Variants in SIX4 observed in about 807,000 individuals in gnomAD.
The protein encoded by SIX4 is homeobox protein SIX4.
SIX4 carries 23 observed loss-of-function variants against 51.5 expected under a neutral mutation model. The observed-to-expected ratio is 0.45, with a 90% confidence interval of 0.32 to 0.63. The LOEUF (loss-of-function observed/expected upper bound fraction) is 0.63, where lower values mean the gene tolerates loss of function less well. Among genes scored for constraint, SIX4 ranks in the 30% least tolerant of loss-of-function variants. SIX4 has a pLI of 0.04. For missense variants in SIX4, 867 were observed against 984.0 expected (o/e 0.88, Z 1.59); for synonymous variants, 413 against 417.3 (o/e 0.99, Z 0.13).
Position 60,712,708 on chromosome 14 carries a change from CA to C in SIX4, c.*698del, listed in dbSNP as rs1297871441. On this transcript the variant is annotated 3_prime_UTR_variant, in exon 3 of 3. Coordinates refer to ENST00000216513, the MANE Select transcript of SIX4 (RefSeq NM_017420.5). ...TCAGTTCATAGCGCCTGAAGAGAAA[CA>C]TATACATTAAAAATAAAATTCACTG... 1 of 152,480 alleles carries C rather than the reference CA, an allele frequency of 6.6e-6. No individual in the cohort carries two copies. The highest frequency in any genetic ancestry group is 1.5e-5 in the Non-Finnish European group (1 of 68,006). 9.4% of individuals were successfully genotyped at this position (152,480 alleles called of 1,614,324 possible). A position where few individuals can be genotyped will look rare whatever the true frequency, so the allele number is the denominator to read the frequency against.
chr14:60,713,614 C>G lies in SIX4; in HGVS notation c.2139G>C (p.Leu713Phe). The G allele has an allele frequency of 6.2e-7, 1 of 1,614,202 alleles. No homozygotes were observed. Among genetic ancestry groups the G allele is most frequent in the Non-Finnish European group, 8.5e-7 (1 of 1,180,040 alleles). Residue 713 changes from leucine (L) to phenylalanine (F), a missense_variant, in exon 3 of 3, where the codon TTG (leucine) becomes TTC (phenylalanine). Leu to Phe is a conservative substitution (Grantham distance 22, BLOSUM62 0). Transcript: ENST00000216513. ...VHQDFVQEHR[L>F]VLQSVANMKE... ...TCATGTTAGCTACCGATTGCAGAAC[C>G]AAACGATGTTCTTGGACAAAATCCT... is the stretch of plus-strand genomic sequence containing the variant.
In SIX4 at chr14:60,710,626, T is replaced by C. The variant is rs1895803079; in HGVS notation, c.*2781A>G. 6.6e-6 allele frequency: 1 copy of C among 152,538 alleles called. No individual in the cohort carries two copies. Among genetic ancestry groups the C allele is most frequent in the African/African-American group, 2.4e-5 (1 of 41,416 alleles). The allele number at this position is 152,538 out of a possible 1,614,324, so 9.4% of individuals were successfully genotyped here. A position where few individuals can be genotyped will look rare whatever the true frequency, so the allele number is the denominator to read the frequency against. On this transcript the variant is annotated 3_prime_UTR_variant, in exon 3 of 3. Transcript: ENST00000216513. ...AGCATTGGTTTATGTAAGAGGGAAA[T>C]TCTGCCACATGACTCCAAGGGTTCT...
chr14:60,717,635 T>C lies in SIX4; in HGVS notation c.1549+2125A>G, dbSNP rs577392585. Among the ~76,000 whole-genome samples, 28 of 151,518 alleles carry C rather than the reference T, an allele frequency of 1.8e-4. No homozygotes were observed. The highest frequency in any genetic ancestry group is 6.5e-4 in the African/African-American group (27 of 41,466). On this transcript the variant is annotated intron_variant, in intron 2 of 2. Coordinates refer to ENST00000216513, the MANE Select transcript of SIX4 (RefSeq NM_017420.5). The surrounding 1 kb of genome is among the most constrained non-coding windows in gnomAD (Gnocchi z 4.6). ...CTAAAATTTGATTTTTGAGCATAAC[T>C]ACAACTGAAGTAAAAATTGAACAAC...
At chr14:60,714,275 T>G in intron 2 of SIX4, 72 bp from the exon 3 acceptor site, 1 of 1,320,336 alleles carries the variant, frequency 7.6e-7, no homozygotes, top group South Asian at 1.5e-5. Context: ...ACACACGTTT[T>G]TTTCTCAGGT....
rs951567463 is a variant in SIX4 at position 60,710,016 on chromosome 14, A to G, written c.*3391T>C. 2 of 152,688 alleles carry G rather than the reference A, an allele frequency of 1.3e-5. No homozygotes were observed. Among genetic ancestry groups the G allele is most frequent in the African/African-American group, 4.8e-5 (2 of 41,466 alleles). The allele number at this position is 152,688 out of a possible 1,614,324, so 9.5% of individuals were successfully genotyped here. Reference sequence around the variant, plus strand: ...ATCTAAGTTTTACAAAGAGTTTAAAATATCTTTTGTGAAATGTAACTATTT... The same window carrying G: ...ATCTAAGTTTTACAAAGAGTTTAAAGTATCTTTTGTGAAATGTAACTATTT... On this transcript the variant is annotated 3_prime_UTR_variant, in exon 3 of 3. Coordinates refer to ENST00000216513, the MANE Select transcript of SIX4 (RefSeq NM_017420.5).
intron 1 of SIX4, chr14:60,721,020 C>T: frequency 2.0e-6 from 2 of 985,906 alleles, no homozygotes; most frequent in Non-Finnish European, 2.4e-6. Context: ...ACAACTCTCT[C>T]ATTCAACAAA....
chr14:60,718,591 G>A (rs55805390), intron 2 of SIX4, among the ~76,000 whole-genome samples: 96 of 152,224 alleles, frequency 6.3e-4, no homozygotes, highest in Non-Finnish European at 1.2e-3. Context: ...TTTCCCTGTG[G>A]TTTTCATATT....
In SIX4 at chr14:60,713,752, G is replaced by A. The variant is rs137980492; in HGVS notation, c.2001C>T (p.Cys667=). The change falls in exon 3 of 3, where the codon TGC becomes TGT. Residue 667 remains cysteine (C), a synonymous_variant. Transcript: ENST00000216513. ...ATAGGTCTTGACCAGTAATAAGGGA[G>A]CAGTTCTGAAGAGTTGCATAGTTAG... The part of the protein sequence containing the change: ...SNTNYATLQN[C]SLITGQDLLS... 30 of 1,614,196 alleles carry A rather than the reference G, an allele frequency of 1.9e-5. No individual in the cohort carries two copies. The highest frequency in any genetic ancestry group is 3.3e-4 in the Middle Eastern group (2 of 6,062).
chr14:60,722,464 T>C lies in SIX4; in HGVS notation c.863+748A>G, dbSNP rs898129176. Among the ~76,000 whole-genome samples the C allele has an allele frequency of 6.6e-6, 1 of 152,078 alleles. No individual in the cohort carries two copies. Among genetic ancestry groups the C allele is most frequent in the African/African-American group, 2.4e-5 (1 of 41,422 alleles). ...GAGGGAGGAAGCAGCCCTTCAGCCC[T>C]GCTACCCCGGCTGCGCTGAAACCCG... On this transcript the variant is annotated intron_variant, in intron 1 of 2. Coordinates refer to ENST00000216513, the MANE Select transcript of SIX4 (RefSeq NM_017420.5). This position sits in a 1 kb window ranked among gnomAD's most constrained non-coding sequence, Gnocchi z 5.9.
Position 60,714,270 on chromosome 14 carries a change from CG to C in SIX4, c.1550-68del, listed in dbSNP as rs1380277075. 18 of 1,381,272 alleles carry C rather than the reference CG, an allele frequency of 1.3e-5. No individual in the cohort carries two copies. In the Admixed American group the frequency reaches 1.5e-4, roughly 12 times the overall value. The allele number at this position is 1,381,272 out of a possible 1,614,324, so 85.6% of individuals were successfully genotyped here. On this transcript the variant is annotated intron_variant, in intron 2 of 2. Coordinates refer to ENST00000216513, the MANE Select transcript of SIX4 (RefSeq NM_017420.5). ...AGGGAAAGAAAAAAAGTTACACACA[CG>C]TTTTTTTCTCAGGTACAGTATCTAT...
rs1896093352 is a variant in SIX4, at chr14:60,724,079, T to C, written c.-5A>G. The C allele has an allele frequency of 1.3e-6, 2 of 1,554,278 alleles. No homozygotes were observed. Among genetic ancestry groups the C allele is most frequent in the Non-Finnish European group, 1.7e-6 (2 of 1,148,734 alleles). ...GGTGGGGGAGGAAGAGGACATTTTTTGTTGTTTATTTTCCTCCCTCCCTCA... is the reference window on the plus strand; with the variant it reads ...GGTGGGGGAGGAAGAGGACATTTTTCGTTGTTTATTTTCCTCCCTCCCTCA... On this transcript the variant is annotated 5_prime_UTR_variant, in exon 1 of 3. Transcript: ENST00000216513.
intron 2 of SIX4, among the ~76,000 whole-genome samples, chr14:60,715,082 A>G (rs190072693): frequency 6.6e-6 from 1 of 152,198 alleles, no homozygotes; most frequent in Non-Finnish European, 1.5e-5. Context: ...CACCTTCCCA[A>G]GTAATTCTGA....
At position 60,722,127 on chromosome 14, in the gene SIX4, C is replaced by G. The variant is rs936124913; in HGVS notation, c.863+1085G>C. Among the ~76,000 whole-genome samples, 3 of 152,190 alleles carry G rather than the reference C, an allele frequency of 2.0e-5. No individual in the cohort carries two copies. Among genetic ancestry groups the G allele is most frequent in the Admixed American group, 2.0e-4 (3 of 15,286 alleles). On this transcript the variant is annotated intron_variant, in intron 1 of 2. Coordinates refer to ENST00000216513, the MANE Select transcript of SIX4 (RefSeq NM_017420.5). The surrounding 1 kb of genome is among the most constrained non-coding windows in gnomAD (Gnocchi z 5.9). ...TTCCCCGAGAAGAACCTTCGAGCTG[C>G]TTTTGGATTCTTTCTCTCCTATCCC...
chr14:60,723,520 G>C lies in SIX4; in HGVS notation c.555C>G (p.Leu185=). 1 of 1,607,036 alleles carries C rather than the reference G, an allele frequency of 6.2e-7. No homozygotes were observed. ...CCTCGGTGTAGCGCGCCTTGTACCA[G>C]AGCTGCTGCAGCAGCGGGTGGTTGG... ...ESANHPLLQQ[L]WYKARYTEAE... The change falls in exon 1 of 3, where the codon CTC becomes CTG. Residue 185 remains leucine (L), a synonymous_variant. Transcript: ENST00000216513.
intron 2 of SIX4, among the ~76,000 whole-genome samples, chr14:60,714,855 G>A (rs549051688): frequency 8.6e-5 from 13 of 151,426 alleles, no homozygotes; most frequent in African/African-American, 2.2e-4. Flanking sequence ...TAGTAGAGAC[G>A]GGGTTTCACC....
At position 60,723,771 on chromosome 14, in the gene SIX4, CG is replaced by C. The variant is rs1248484595; in HGVS notation, c.303del (p.Ala102ArgfsTer48). 1.3e-6 allele frequency: 2 copies of C among 1,522,662 alleles called. No homozygotes were observed. The highest frequency in any genetic ancestry group is 2.8e-5 in the African/African-American group (2 of 71,910). The allele number at this position is 1,522,662 out of a possible 1,614,324, so 94.3% of individuals were successfully genotyped here. ...LGRHHHAAAAAAQTPLAFSPD... is the reference protein window; with the variant it reads ...LGRHHHAAAAXAQTPLAFSPD... ...GGCGAGAAGGCCAGCGGGGTCTGCG[CG>C]GCGGCGGCGGCGGCGTGGTGGTGCC... On this transcript the variant is annotated frameshift_variant, in exon 1 of 3. Transcript: ENST00000216513. LOFTEE classifies it high-confidence loss of function.
rs1298955822 is a variant in SIX4 at position 60,722,239 on chromosome 14, T to C, written c.863+973A>G. Among the ~76,000 whole-genome samples the C allele has an allele frequency of 6.6e-6, 1 of 152,192 alleles. No homozygotes were observed. The highest frequency in any genetic ancestry group is 1.5e-5 in the Non-Finnish European group (1 of 68,026). ...AACACACAGACGCACACACCAAGTG[T>C]CTGACTCGGGAGGACGCACAAAAGA... On this transcript the variant is annotated intron_variant, in intron 1 of 2. Coordinates refer to ENST00000216513, the MANE Select transcript of SIX4 (RefSeq NM_017420.5). The surrounding 1 kb of genome is among the most constrained non-coding windows in gnomAD (Gnocchi z 5.9).
intron 1 of SIX4, chr14:60,721,249 A>C: frequency 1.6e-6 from 1 of 625,660 alleles, no homozygotes; most frequent in Non-Finnish European, 2.0e-6. Context: ...CCTGTTCCTC[A>C]GCTCTCTGAC....
intron 1 of SIX4, among the ~76,000 whole-genome samples, chr14:60,721,341 A>T (rs1430007804): frequency 6.6e-6 from 1 of 152,098 alleles, no homozygotes; most frequent in African/African-American, 2.4e-5. Flanking sequence ...GGGAGAGCAA[A>T]CGAGAGCAGA....
Sources: allele counts gnomAD v4.1 joint callset (sites outside exome capture counted in the v4.1 genomes callset), GRCh38; gene constraint gnomAD v4.1.1; non-coding constraint Gnocchi (gnomAD v3.1); transcripts MANE v1.5; gene names NCBI Gene and HGNC (gene_info 2026-07-23, HGNC 2026-07-21).